Variants in TFEB observed in about 807,000 individuals in gnomAD.
The protein encoded by TFEB is T-cell transcription factor EB.
Under a neutral mutation model 48.0 loss-of-function variants are expected in TFEB, and 12 were observed. The ratio of observed to expected loss-of-function variants is 0.25; its 90% CI spans 0.16 to 0.40. The LOEUF (loss-of-function observed/expected upper bound fraction) is 0.40, where lower values mean the gene tolerates loss of function less well. TFEB is among the 10% of genes least tolerant of loss of function. The probability of loss-of-function intolerance (pLI) is 1.00; values close to 1 mark genes in which losing one functional copy is unlikely to be tolerated. For synonymous variants in TFEB, 244 were observed against 261.4 expected (o/e 0.93, Z 0.64); for missense variants, 509 against 640.3 (o/e 0.79, Z 2.21).
rs779650689 is a variant in TFEB at position 41,684,551 on chromosome 6, C to A, written c.*48G>T. ...GTGGGAGGGAGGTGCCCCTGGCCCT[C>A]CCAGCCCCCAGGCCGGCCCCTGTTC... On this transcript the variant is annotated 3_prime_UTR_variant, in exon 9 of 9. Transcript: ENST00000373033. 1 of 1,504,762 alleles carries A rather than the reference C, an allele frequency of 6.6e-7. No homozygotes were observed. The highest frequency in any genetic ancestry group is 2.3e-5 in the Admixed American group (1 of 43,714). 93.2% of individuals were successfully genotyped at this position (1,504,762 alleles called of 1,614,324 possible). A position where few individuals can be genotyped will look rare whatever the true frequency, so the allele number is the denominator to read the frequency against.
chr6:41,714,536 C>T (rs1192722412), intron 1 of TFEB, among the ~76,000 whole-genome samples: 5 of 152,174 alleles, frequency 3.3e-5, no homozygotes, highest in South Asian at 2.1e-4. Context: ...ATCAGAGGTG[C>T]GGCCTTGATG....
intron 1 of TFEB, chr6:41,735,146 G>C (rs1045585868): frequency 8.4e-6 from 8 of 952,584 alleles, no homozygotes; most frequent in Non-Finnish European, 1.0e-5. Flanking sequence ...CCGGCTCGGC[G>C]GGCAGCGCCG....
In TFEB at chr6:41,728,016, G is replaced by T. The variant is rs561946774; in HGVS notation, c.-23+7334C>A. Among the ~76,000 whole-genome samples, 13 of 152,338 alleles carry T rather than the reference G, an allele frequency of 8.5e-5. 1 individual carries two copies. In the East Asian group the frequency reaches 2.5e-3, roughly 29 times the overall value. ...TTCCTGGGGCCCAGAAGGTGGAAAG[G>T]GCTGAGGGCCTAAACCACGCTGAGT... On this transcript the variant is annotated intron_variant, in intron 1 of 8. Transcript: ENST00000373033.
chr6:41,685,983 G>T (rs1305894363), intron 8 of TFEB, 107 bp downstream of exon 8: 4 of 1,399,956 alleles, frequency 2.9e-6, no homozygotes, highest in African/African-American at 2.9e-5. Flanking sequence ...TTCCTAATGG[G>T]CATTATTCCT....
chr6:41,729,340 GA>G (rs1175950746), intron 1 of TFEB, among the ~76,000 whole-genome samples: 2 of 152,126 alleles, frequency 1.3e-5, no homozygotes, highest in African/African-American at 4.8e-5. Flanking sequence ...TGGTCTGGGA[GA>G]GGAAAGGAAA....
At chr6:41,719,137 T>C (rs2127261988) in intron 1 of TFEB, among the ~76,000 whole-genome samples, 1 of 152,320 alleles carries the variant, frequency 6.6e-6, no homozygotes, top group East Asian at 1.9e-4. Context: ...TTGTGCATTG[T>C]GCATGTGAGG....
In TFEB at chr6:41,724,986, C is replaced by T. The variant is rs556541668; in HGVS notation, c.-23+10364G>A. Among the ~76,000 whole-genome samples, 24 of 152,324 alleles carry T rather than the reference C, an allele frequency of 1.6e-4. No homozygotes were observed. The highest frequency in any genetic ancestry group is 9.6e-4 in the East Asian group (5 of 5,182). On this transcript the variant is annotated intron_variant, in intron 1 of 8. Transcript: ENST00000373033. This position sits in a 1 kb window ranked among gnomAD's most constrained non-coding sequence, Gnocchi z 4.4. ...CAGCCACAAGGCCCCTTTGCAGGGA[C>T]GCCTCCCCCAAAATGCCTGCACATT...
rs1256200484 is a variant in TFEB at position 41,724,315 on chromosome 6, C to G, written c.-23+11035G>C. Among the ~76,000 whole-genome samples the G allele has an allele frequency of 6.6e-6, 1 of 152,200 alleles. No homozygotes were observed. Among genetic ancestry groups the G allele is most frequent in the African/African-American group, 2.4e-5 (1 of 41,442 alleles). On this transcript the variant is annotated intron_variant, in intron 1 of 8. Transcript: ENST00000373033. This position sits in a 1 kb window ranked among gnomAD's most constrained non-coding sequence, Gnocchi z 4.4. ...ATACCCTGTATTAAGAAAGGTTAAG[C>G]TATTATCGGTCGTCTGCGTCTCAGG...
chr6:41,708,687 C>T (rs114252563), intron 1 of TFEB, among the ~76,000 whole-genome samples: 118 of 152,322 alleles, frequency 7.7e-4, no homozygotes, highest in Non-Finnish European at 1.2e-3. Context: ...CATATCCTTG[C>T]CTCACCCAAT....
In TFEB at chr6:41,724,349, G is replaced by A. The variant is rs953471074; in HGVS notation, c.-23+11001C>T. On this transcript the variant is annotated intron_variant, in intron 1 of 8. Transcript: ENST00000373033. This position sits in a 1 kb window ranked among gnomAD's most constrained non-coding sequence, Gnocchi z 4.4. ...GTCGTCTGCGTCTCAGGGTGGATGA[G>A]TTTACTGGGCCCTTTCGTGAGTGCA... Among the ~76,000 whole-genome samples the A allele has an allele frequency of 1.3e-5, 2 of 152,302 alleles. No individual in the cohort carries two copies. Among genetic ancestry groups the A allele is most frequent in the Admixed American group, 1.3e-4 (2 of 15,306 alleles).
At chr6:41,694,536 GA>G (rs1769479782) in intron 1 of TFEB, among the ~76,000 whole-genome samples, 1 of 152,086 alleles carries the variant, frequency 6.6e-6, no homozygotes, top group Non-Finnish European at 1.5e-5. Flanking sequence ...TGGGGTAAGG[GA>G]GGGACCTGAG....
chr6:41,689,082 C>T (rs35688102), intron 4 of TFEB, among the ~76,000 whole-genome samples: 1,836 of 152,316 alleles, frequency 0.012, 14 homozygotes, highest in Middle Eastern at 0.024. Flanking sequence ...GAGAGCATCA[C>T]CCCCATTTTG....
chr6:41,689,691 T>G (rs769452328), intron 4 of TFEB, 40 bp downstream of exon 4: 3 of 1,519,128 alleles, frequency 2.0e-6, no homozygotes, highest in Non-Finnish European at 2.7e-6. Context: ...CCCCCCTCCC[T>G]AGAACCCTTG....
intron 1 of TFEB, among the ~76,000 whole-genome samples, chr6:41,718,675 C>CTT (rs59866135): frequency 1.3e-4 from 19 of 144,344 alleles, no homozygotes; most frequent in African/African-American, 4.1e-4. Flanking sequence ...CCCTATTTTT[C>CTT]TTTTTTTTTT....
chr6:41,694,779 G>A (rs1769490869), intron 1 of TFEB, among the ~76,000 whole-genome samples: 1 of 152,096 alleles, frequency 6.6e-6, no homozygotes, highest in South Asian at 2.1e-4. Context: ...ACTGTGTACA[G>A]GTTCAGTAAC....
chr6:41,735,319 C>G, intron 1 of TFEB, 31 bp downstream of exon 1: 1 of 984,916 alleles, frequency 1.0e-6, no homozygotes, highest in Non-Finnish European at 1.2e-6. Flanking sequence ...CCGGGCCCTC[C>G]TCGTGCCTCT....
chr6:41,730,607 T>C lies in TFEB; in HGVS notation c.-23+4743A>G, dbSNP rs989254259. On this transcript the variant is annotated intron_variant, in intron 1 of 8. Coordinates refer to ENST00000373033, the MANE Select transcript of TFEB (RefSeq NM_001271944.2). The surrounding 1 kb of genome is among the most constrained non-coding windows in gnomAD (Gnocchi z 4.1). ...TGATGACCCTGCCTGTTGCCTCTGCTCCTCTTGGCTCTCACCCACGGCTTT... is the reference window on the plus strand; with the variant it reads ...TGATGACCCTGCCTGTTGCCTCTGCCCCTCTTGGCTCTCACCCACGGCTTT... Among the ~76,000 whole-genome samples, 6 of 152,164 alleles carry C rather than the reference T, an allele frequency of 3.9e-5. No homozygotes were observed. The highest frequency in any genetic ancestry group is 1.9e-4 in the East Asian group (1 of 5,198).
rs113070576 is a variant in TFEB, at chr6:41,729,081, G to A, written c.-23+6269C>T. ...ACTGGCGGGCTCAGACACCAATCTC[G>A]CCCCCACTCCCGGCCCCGCCTCGCC... On this transcript the variant is annotated intron_variant, in intron 1 of 8. Coordinates refer to ENST00000373033, the MANE Select transcript of TFEB (RefSeq NM_001271944.2). Among the ~76,000 whole-genome samples the A allele has an allele frequency of 1.5e-4, 23 of 151,680 alleles. 1 individual carries two copies. The highest frequency in any genetic ancestry group is 4.1e-4 in the African/African-American group (17 of 41,356).
intron 1 of TFEB, among the ~76,000 whole-genome samples, chr6:41,714,313 G>T (rs1474265896): frequency 1.3e-5 from 2 of 152,208 alleles, no homozygotes; most frequent in Admixed American, 1.3e-4. Context: ...GAGAACCAAA[G>T]GGCCTTCGGA....
Sources: allele counts gnomAD v4.1 joint callset (sites outside exome capture counted in the v4.1 genomes callset), GRCh38; gene constraint gnomAD v4.1.1; non-coding constraint Gnocchi (gnomAD v3.1); transcripts MANE v1.5; gene names NCBI Gene and HGNC (gene_info 2026-07-23, HGNC 2026-07-21).